The following CDKAL1 variants were observed in gnomAD, a reference collection of about 807,000 sequenced individuals.
CDKAL1 encodes the protein CDKAL1 threonylcarbamoyladenosine tRNA methylthiotransferase.
CDKAL1 carries 32 observed loss-of-function variants against 68.2 expected under a neutral mutation model. The ratio of observed to expected loss-of-function variants is 0.47; its 90% CI spans 0.35 to 0.63. The LOEUF (loss-of-function observed/expected upper bound fraction) is 0.63, where lower values mean the gene tolerates loss of function less well. CDKAL1 is among the 30% of genes least tolerant of loss of function. The pLI is 0.00. For synonymous variants in CDKAL1, 234 were observed against 244.3 expected, an observed-to-expected ratio of 0.96 and a Z score of 0.39; for missense variants, 606 against 696.7, an observed-to-expected ratio of 0.87 and a Z score of 1.47.
chr6:20,951,504 G>A (rs1372161178), intron 9 of CDKAL1, among the ~76,000 whole-genome samples: 2 of 152,114 alleles, frequency 1.3e-5, no homozygotes, highest in Admixed American at 1.3e-4. Flanking sequence ...CTAGCTGTTG[G>A]GGTTGCTGTT....
At chr6:20,580,428 A>G (rs1765095551) in intron 4 of CDKAL1, among the ~76,000 whole-genome samples, 2 of 152,012 alleles carry the variant, frequency 1.3e-5, no homozygotes, top group Admixed American at 6.6e-5. Context: ...TCTGCTTGTG[A>G]CATTCTGCAT....
At chr6:20,544,117 T>C (rs1212093338) in intron 2 of CDKAL1, among the ~76,000 whole-genome samples, 1 of 152,186 alleles carries the variant, frequency 6.6e-6, no homozygotes, top group East Asian at 1.9e-4. Flanking sequence ...GGTTCATTTT[T>C]TGCCTATAAA....
At chr6:20,910,989 C>T (rs375695473) in intron 9 of CDKAL1, among the ~76,000 whole-genome samples, 12 of 152,316 alleles carry the variant, frequency 7.9e-5, no homozygotes, top group African/African-American at 2.6e-4. Flanking sequence ...ATGAAACACC[C>T]GTGGGCTTGC....
At chr6:21,202,777 T>C (rs546677684) in intron 15 of CDKAL1, among the ~76,000 whole-genome samples, 7 of 152,238 alleles carry the variant, frequency 4.6e-5, no homozygotes, top group Admixed American at 2.6e-4. Context: ...ACTATAGTGT[T>C]ACTGTCTAAA....
intron 4 of CDKAL1, among the ~76,000 whole-genome samples, chr6:20,633,535 C>T (rs1455419976): frequency 6.6e-6 from 1 of 152,026 alleles, no homozygotes; most frequent in Non-Finnish European, 1.5e-5. Flanking sequence ...TTTCATTTTT[C>T]TGGGGTATAT....
intron 9 of CDKAL1, among the ~76,000 whole-genome samples, chr6:20,907,171 A>G (rs1372287996): frequency 6.6e-6 from 1 of 152,204 alleles, no homozygotes; most frequent in Non-Finnish European, 1.5e-5. Flanking sequence ...GTTGCACAAC[A>G]ATATGAATCA....
chr6:21,144,277 T>C (rs1388688940), intron 13 of CDKAL1, among the ~76,000 whole-genome samples: 1 of 152,248 alleles, frequency 6.6e-6, no homozygotes, highest in Non-Finnish European at 1.5e-5. Flanking sequence ...TTAGCCAGCC[T>C]CACAGAGTTG....
At chr6:20,664,298 A>AAAT (rs371534184) in intron 5 of CDKAL1, among the ~76,000 whole-genome samples, 28,044 of 152,036 alleles carry the variant, frequency 0.18, 2,768 homozygotes, top group African/African-American at 0.23. Flanking sequence ...CATGATAGAA[A>AAAT]GTGTTTTGGG....
At chr6:20,989,640 C>G (rs564237524) in intron 10 of CDKAL1, among the ~76,000 whole-genome samples, 2 of 152,132 alleles carry the variant, frequency 1.3e-5, no homozygotes, top group African/African-American at 4.8e-5. Context: ...TTGATTCGTT[C>G]TGTTGGTGTG....
At position 20,974,920 on chromosome 6, in the gene CDKAL1, A is replaced by C. The variant is rs1388427210; in HGVS notation, c.909+19335A>C. Reference sequence around the variant, plus strand: ...CTTGAGCCCAGGAGGCAGAGGTTGCAGTCAACTGAGATCTCAACACTGCAC... The same window carrying C: ...CTTGAGCCCAGGAGGCAGAGGTTGCCGTCAACTGAGATCTCAACACTGCAC... On this transcript the variant is annotated intron_variant, in intron 10 of 15. Transcript: ENST00000274695. 4.1e-5 allele frequency among the ~76,000 whole-genome samples: 6 copies of C among 147,294 alleles called. No homozygotes were observed. The South Asian group carries it at 6.6e-4, about 16-fold the overall frequency.
intron 5 of CDKAL1, among the ~76,000 whole-genome samples, chr6:20,664,083 G>A (rs985157776): frequency 2.0e-5 from 3 of 151,952 alleles, no homozygotes; most frequent in Non-Finnish European, 4.4e-5. Context: ...ATTATCAGAG[G>A]GATATTAACG....
chr6:20,734,786 A>T (rs62397656), intron 5 of CDKAL1, among the ~76,000 whole-genome samples: 10,903 of 151,780 alleles, frequency 0.072, 532 homozygotes, highest in African/African-American at 0.14. Flanking sequence ...CTGGTCTCAA[A>T]CGCCTTCCTG....
chr6:20,640,149 T>C (rs1016441408), intron 4 of CDKAL1, among the ~76,000 whole-genome samples: 11 of 151,720 alleles, frequency 7.3e-5, no homozygotes, highest in African/African-American at 2.4e-4. Context: ...ACTTGACTTG[T>C]CTTCCAGAGT....
At chr6:21,145,857 G>C (rs148200562) in intron 13 of CDKAL1, among the ~76,000 whole-genome samples, 1 of 152,092 alleles carries the variant, frequency 6.6e-6, no homozygotes, top group Admixed American at 6.5e-5. Flanking sequence ...CTATGATCAC[G>C]CCACTGCATT....
chr6:20,743,764 C>T (rs993513515), intron 6 of CDKAL1, among the ~76,000 whole-genome samples: 1 of 152,194 alleles, frequency 6.6e-6, no homozygotes, highest in Non-Finnish European at 1.5e-5. Flanking sequence ...TCCAGATCCT[C>T]TGGCTTTGGT....
intron 15 of CDKAL1, 135 bp downstream of exon 15, chr6:21,201,409 C>G: frequency 7.7e-6 from 5 of 647,774 alleles, no homozygotes; most frequent in Non-Finnish European, 1.2e-5. Flanking sequence ...TCCTTTCTGA[C>G]AGATTGAAAT....
At chr6:20,630,975 C>A (rs1767649797) in intron 4 of CDKAL1, among the ~76,000 whole-genome samples, 1 of 152,152 alleles carries the variant, frequency 6.6e-6, no homozygotes, top group African/African-American at 2.4e-5. Context: ...ATTACCTAGT[C>A]AAAATTGAAA....
intron 3 of CDKAL1, 74 bp from the exon 4 acceptor site, chr6:20,548,519 C>G: frequency 2.7e-6 from 2 of 744,882 alleles, no homozygotes; most frequent in Admixed American, 4.3e-5. Flanking sequence ...GGCAACAGAG[C>G]AAGACCCTGG....
intron 9 of CDKAL1, among the ~76,000 whole-genome samples, chr6:20,906,855 A>T (rs1445675810): frequency 6.6e-6 from 1 of 152,238 alleles, no homozygotes; most frequent in East Asian, 1.9e-4. Context: ...ACAGAAGGAA[A>T]TTCTAACAAA....
Sources: allele counts gnomAD v4.1 joint callset (sites outside exome capture counted in the v4.1 genomes callset), GRCh38; gene constraint gnomAD v4.1.1; transcripts MANE v1.5; gene names NCBI Gene and HGNC (gene_info 2026-07-23, HGNC 2026-07-21).